The following KLHL1 variants were observed in gnomAD, a reference collection of about 807,000 sequenced individuals.
KLHL1 encodes kelch-like protein 1.
A neutral mutation model predicts 77.7 loss-of-function variants in KLHL1; 47 were observed. The ratio of observed to expected loss-of-function variants is 0.60; its 90% CI spans 0.48 to 0.77. KLHL1 has a LOEUF of 0.77. KLHL1 is among the 30% of genes least tolerant of loss of function. The pLI is 0.00. For synonymous variants in KLHL1, 360 were observed against 325.2 expected, an observed-to-expected ratio of 1.11 and a Z score of -1.15; for missense variants, 925 against 910.8, an observed-to-expected ratio of 1.02 and a Z score of -0.20.
intron 7 of KLHL1, among the ~76,000 whole-genome samples, chr13:69,768,633 ATTTACT>A (rs988630945): frequency 6.6e-6 from 1 of 152,050 alleles, no homozygotes; most frequent in African/African-American, 2.4e-5. Flanking sequence ...ATTGTATTTA[ATTTACT>A]TTTGATTATA....
At chr13:69,839,817 G>A (rs142030539) in intron 5 of KLHL1, among the ~76,000 whole-genome samples, 1 of 151,908 alleles carries the variant, frequency 6.6e-6, no homozygotes, top group Non-Finnish European at 1.5e-5. Context: ...GCTATAATAG[G>A]TTATTGTCTC....
chr13:69,739,673 G>A (rs1337717810), intron 8 of KLHL1, among the ~76,000 whole-genome samples: 1 of 152,170 alleles, frequency 6.6e-6, no homozygotes, highest in Non-Finnish European at 1.5e-5. Flanking sequence ...TTGACATATT[G>A]TTTGCATTTG....
At chr13:69,941,422 T>C (rs996561963) in intron 3 of KLHL1, among the ~76,000 whole-genome samples, 1 of 151,992 alleles carries the variant, frequency 6.6e-6, no homozygotes, top group Admixed American at 6.6e-5. Flanking sequence ...ACACAACTTA[T>C]CAAAACCTGT....
chr13:69,799,059 A>G (rs2138042438), intron 6 of KLHL1, among the ~76,000 whole-genome samples: 1 of 152,044 alleles, frequency 6.6e-6, no homozygotes, highest in South Asian at 2.1e-4. Flanking sequence ...ACTGCACTCC[A>G]GCCTGGCAAC....
intron 4 of KLHL1, among the ~76,000 whole-genome samples, chr13:69,899,693 T>C (rs1311444818): frequency 6.6e-6 from 1 of 152,062 alleles, no homozygotes; most frequent in Non-Finnish European, 1.5e-5. Context: ...CTTTGCTAGC[T>C]GTTGAGATGC....
At chr13:69,893,486 G>A (rs552984959) in intron 4 of KLHL1, among the ~76,000 whole-genome samples, 1 of 152,066 alleles carries the variant, frequency 6.6e-6, no homozygotes, top group South Asian at 2.1e-4. Flanking sequence ...CACCCGCCTC[G>A]GCCTCCCAAA....
At chr13:69,938,213 TG>T (rs1168859097) in intron 4 of KLHL1, among the ~76,000 whole-genome samples, 1 of 152,076 alleles carries the variant, frequency 6.6e-6, no homozygotes, top group African/African-American at 2.4e-5. Context: ...GGAAGACAAC[TG>T]GTCAGTAATT....
intron 1 of KLHL1, among the ~76,000 whole-genome samples, chr13:69,980,371 C>T (rs976657517): frequency 3.3e-5 from 5 of 152,076 alleles, no homozygotes; most frequent in African/African-American, 9.7e-5. Context: ...CATTGCCAAC[C>T]AGTTCCTCAG....
intron 6 of KLHL1, among the ~76,000 whole-genome samples, chr13:69,800,879 G>A (rs776143546): frequency 6.6e-6 from 1 of 152,114 alleles, no homozygotes; most frequent in African/African-American, 2.4e-5. Flanking sequence ...CAGAATACAA[G>A]TTAGAGTGGA....
chr13:70,020,461 G>C (rs1461749409), intron 1 of KLHL1, among the ~76,000 whole-genome samples: 1 of 151,912 alleles, frequency 6.6e-6, no homozygotes, highest in Non-Finnish European at 1.5e-5. Flanking sequence ...AAAGTCTCTT[G>C]TCGTCCTCTT....
chr13:70,070,781 A>T (rs535598234), intron 1 of KLHL1, among the ~76,000 whole-genome samples: 39 of 152,228 alleles, frequency 2.6e-4, no homozygotes, highest in African/African-American at 8.9e-4. Flanking sequence ...ATGATGTTAT[A>T]AGTAACAGGA....
At chr13:69,753,080 C>G (rs1874556757) in intron 7 of KLHL1, among the ~76,000 whole-genome samples, 1 of 152,086 alleles carries the variant, frequency 6.6e-6, no homozygotes, top group Non-Finnish European at 1.5e-5. Flanking sequence ...TCTTCCTGCC[C>G]AATCCTCCTT....
Position 69,940,152 on chromosome 13 carries a change from C to T in KLHL1, c.902G>A (p.Cys301Tyr), listed in dbSNP as rs769199364. 1 of 1,610,854 alleles carries T rather than the reference C, an allele frequency of 6.2e-7. No homozygotes were observed. The highest frequency in any genetic ancestry group is 8.5e-7 in the Non-Finnish European group (1 of 1,179,014). Residue 301 changes from cysteine to tyrosine, a missense_variant, in exon 4 of 11, where the codon TGC becomes TAC. Transcript: ENST00000377844. ...CAAAAGCTTCATGAGGAAGTGGCAGCACACTTCCACCACCTGTGGAAGCTG... is the reference window on the plus strand; with the variant it reads ...CAAAAGCTTCATGAGGAAGTGGCAGTACACTTCCACCACCTGTGGAAGCTG... ...LLQLPQVVEV[C>Y]CHFLMKLLHP...
chr13:70,066,521 T>C (rs1887010376), intron 1 of KLHL1, among the ~76,000 whole-genome samples: 1 of 152,232 alleles, frequency 6.6e-6, no homozygotes, highest in Non-Finnish European at 1.5e-5. Flanking sequence ...TCTTCAGTGC[T>C]ACATTAAACA....
intron 4 of KLHL1, among the ~76,000 whole-genome samples, chr13:69,917,660 G>A (rs1386530567): frequency 6.6e-6 from 1 of 152,026 alleles, no homozygotes; most frequent in East Asian, 1.9e-4. Flanking sequence ...ACATGCAAAT[G>A]TACACAGTCA....
intron 1 of KLHL1, among the ~76,000 whole-genome samples, chr13:69,977,213 G>GA (rs1170456861): frequency 6.6e-6 from 1 of 151,988 alleles, no homozygotes; most frequent in Non-Finnish European, 1.5e-5. Context: ...ACAGACAACA[G>GA]AAACAGTCTC....
At position 69,887,402 on chromosome 13, in the gene KLHL1, T is replaced by C. The variant is rs530074845; in HGVS notation, c.1015-4907A>G. On this transcript the variant is annotated intron_variant, in intron 4 of 10. Coordinates refer to ENST00000377844, the MANE Select transcript of KLHL1 (RefSeq NM_020866.3). ...TTCTCTATCGAGCAGCTTTTTCATT[T>C]TTTACAACAGGGCCAGGCTGATAAT... Among the ~76,000 whole-genome samples the C allele has an allele frequency of 5.3e-5, 8 of 152,310 alleles. No individual in the cohort carries two copies. The South Asian group carries it at 1.7e-3, about 32-fold the overall frequency.
At chr13:69,796,200 C>T (rs1006816010) in intron 7 of KLHL1, among the ~76,000 whole-genome samples, 2 of 152,094 alleles carry the variant, frequency 1.3e-5, no homozygotes, top group Non-Finnish European at 2.9e-5. Flanking sequence ...AATTTAAATA[C>T]AAAATATGCT....
At position 70,064,871 on chromosome 13, in the gene KLHL1, A is replaced by T. The variant is rs77647713; in HGVS notation, c.497+42332T>A. ...GTCTACAGTCTGATAAATTTTGACTAATGTGTACATGTATGAAACTACCAC... is the reference window on the plus strand; with the variant it reads ...GTCTACAGTCTGATAAATTTTGACTTATGTGTACATGTATGAAACTACCAC... On this transcript the variant is annotated intron_variant, in intron 1 of 10. Transcript: ENST00000377844. 9.2e-3 allele frequency among the ~76,000 whole-genome samples: 1,401 copies of T among 152,282 alleles called. 29 individuals are homozygous for T. The highest frequency in any genetic ancestry group is 0.028 in the African/African-American group (1,178 of 41,568).
Sources: gnomAD v4.1 joint callset for allele counts (sites outside exome capture counted in the v4.1 genomes callset) on GRCh38, gnomAD v4.1.1 for gene constraint, MANE v1.5 for transcripts, NCBI Gene and HGNC (gene_info 2026-07-23, HGNC 2026-07-21) for gene names.